ZFAT: variants seen among roughly 807,000 people sequenced by gnomAD.
ZFAT encodes zinc finger and AT-hook domain containing.
A neutral mutation model predicts 117.7 loss-of-function variants in ZFAT; 64 were observed. That is an observed-to-expected ratio of 0.54 (90% CI 0.44 to 0.67). The LOEUF (loss-of-function observed/expected upper bound fraction) is 0.67. Ranked by LOEUF, ZFAT falls within the 30% of genes least tolerant of loss-of-function variation. The pLI is 0.00. For missense variants in ZFAT, 1,433 were observed against 1,584.5 expected, an observed-to-expected ratio of 0.90 and a Z score of 1.62; for synonymous variants, 679 against 615.0, an observed-to-expected ratio of 1.10 and a Z score of -1.54.
chr8:134,650,704 G>A (rs191168170), intron 2 of ZFAT, among the ~76,000 whole-genome samples: 2 of 152,186 alleles, frequency 1.3e-5, no homozygotes, highest in African/African-American at 2.4e-5. Flanking sequence ...GACATTAGAA[G>A]AGACGTATTG....
At chr8:134,675,716 G>C (rs2131279685) in intron 1 of ZFAT, among the ~76,000 whole-genome samples, 1 of 152,248 alleles carries the variant, frequency 6.6e-6, no homozygotes, top group African/African-American at 2.4e-5. Flanking sequence ...AGCCACAAAG[G>C]GAAGCCCATC....
the ZFAT span, among the ~76,000 whole-genome samples, chr8:134,742,477 C>T: frequency 6.6e-6 from 1 of 152,148 alleles, no homozygotes; most frequent in Admixed American, 6.5e-5. Flanking sequence ...TCACAGTCCT[C>T]GGGGTTCAAT....
intron 3 of ZFAT, among the ~76,000 whole-genome samples, chr8:134,622,936 A>C (rs1829234102): frequency 6.6e-6 from 1 of 152,102 alleles, no homozygotes; most frequent in South Asian, 2.1e-4. Context: ...CCACAGGTAC[A>C]CCATGACTTG....
the ZFAT span, among the ~76,000 whole-genome samples, chr8:134,720,183 A>G: frequency 1.3e-5 from 2 of 152,254 alleles, no homozygotes; most frequent in East Asian, 1.9e-4. Flanking sequence ...TCCCCAGCCA[A>G]TGCAGCCACA....
chr8:134,628,676 A>G (rs1340497783), intron 3 of ZFAT, among the ~76,000 whole-genome samples: 2 of 152,214 alleles, frequency 1.3e-5, no homozygotes, highest in Admixed American at 6.5e-5. Flanking sequence ...TAACACCTAT[A>G]GCATATTAAT....
rs113068801 is a variant in ZFAT at position 134,580,806 on chromosome 8, C to G, written c.2887+3026G>C. Among the ~76,000 whole-genome samples the G allele has an allele frequency of 8.2e-3, 1,255 of 152,138 alleles. 5 individuals carry two copies. The highest frequency in any genetic ancestry group is 0.011 in the Non-Finnish European group (729 of 68,006). On this transcript the variant is annotated intron_variant, in intron 10 of 15. Transcript: ENST00000377838. ...ACAAAGATTCCAACCACATACCATACGCTAAAATAAATTGCAAGAATATTA... is the reference window on the plus strand; with the variant it reads ...ACAAAGATTCCAACCACATACCATAGGCTAAAATAAATTGCAAGAATATTA...
At chr8:134,609,035 G>C (rs1049317564) in intron 4 of ZFAT, among the ~76,000 whole-genome samples, 156 bp from the exon 5 acceptor site, 2 of 152,068 alleles carry the variant, frequency 1.3e-5, no homozygotes, top group African/African-American at 4.8e-5. Flanking sequence ...TACATTTTTT[G>C]GGTGAGTGTG....
chr8:134,716,645 T>C (rs966337983), upstream of ZFAT, among the ~76,000 whole-genome samples: 3 of 152,180 alleles, frequency 2.0e-5, no homozygotes, highest in Non-Finnish European at 4.4e-5. Flanking sequence ...GGGTTAGTGC[T>C]GAAAGGACAA....
the ZFAT span, among the ~76,000 whole-genome samples, chr8:134,721,228 C>T: frequency 2.0e-3 from 304 of 152,280 alleles, no homozygotes; most frequent in African/African-American, 6.9e-3. Flanking sequence ...CTACCCAGGA[C>T]GGGCCGCATG....
the ZFAT span, among the ~76,000 whole-genome samples, chr8:134,817,833 C>A: frequency 1.3e-5 from 2 of 152,070 alleles, no homozygotes; most frequent in African/African-American, 4.8e-5. Context: ...TCAACAAATA[C>A]CTCAATGGAA....
intron 1 of ZFAT, among the ~76,000 whole-genome samples, chr8:134,703,098 G>A (rs1458959545): frequency 6.6e-6 from 1 of 152,216 alleles, no homozygotes; most frequent in African/African-American, 2.4e-5. Context: ...CAAAGTAGCT[G>A]TACCATTTTG....
In ZFAT at chr8:134,594,610, C is replaced by T. The variant is rs1317734060; in HGVS notation, c.2476-4255G>A. Among the ~76,000 whole-genome samples the T allele has an allele frequency of 2.6e-5, 4 of 152,218 alleles. No individual in the cohort carries two copies. In the East Asian group the frequency reaches 7.7e-4, roughly 29 times the overall value. ...TACTATTCCTCTTCTTCATTCTCCT[C>T]CTCCTACTAAAAAGGAGGATTAGAA... is the stretch of plus-strand genomic sequence containing the variant. On this transcript the variant is annotated intron_variant, in intron 7 of 15. Transcript: ENST00000377838.
At chr8:134,541,275 GA>G (rs1480875851) in intron 11 of ZFAT, among the ~76,000 whole-genome samples, 8 of 152,194 alleles carry the variant, frequency 5.3e-5, no homozygotes, top group African/African-American at 1.7e-4. Flanking sequence ...CATATTCAAG[GA>G]TTGAAGGATT....
At chr8:134,708,403 C>T (rs1392688786) in intron 1 of ZFAT, among the ~76,000 whole-genome samples, 1 of 151,792 alleles carries the variant, frequency 6.6e-6, no homozygotes, top group African/African-American at 2.4e-5. Flanking sequence ...CCACATTATA[C>T]TCATAAATCA....
At position 134,590,482 on chromosome 8, in the gene ZFAT, TCAC is replaced by T. The variant is rs374660188; in HGVS notation, c.2476-130_2476-128del. The T allele has an allele frequency of 2.4e-3, 1,578 of 658,036 alleles. 4 individuals carry two copies. The highest frequency in any genetic ancestry group is 3.6e-3 in the Non-Finnish European group (1,364 of 374,944). The allele number at this position is 658,036 out of a possible 1,614,324, so 40.8% of individuals were successfully genotyped here. A position where few individuals can be genotyped will look rare whatever the true frequency, so the allele number is the denominator to read the frequency against. ...CTACCACTCACGCTATCAACAGTCATCACCACCACCACCATCACATCACCATCA... is the reference window on the plus strand; with the variant it reads ...CTACCACTCACGCTATCAACAGTCATCACCACCACCATCACATCACCATCA... On this transcript the variant is annotated intron_variant, in intron 7 of 15. Transcript: ENST00000377838.
the ZFAT span, among the ~76,000 whole-genome samples, chr8:134,825,624 C>A: frequency 6.6e-6 from 1 of 152,102 alleles, no homozygotes; most frequent in Non-Finnish European, 1.5e-5. Flanking sequence ...TTGACAATTA[C>A]TAAAAGGAAA....
intron 1 of ZFAT, among the ~76,000 whole-genome samples, chr8:134,706,760 G>A (rs527680648): frequency 1.3e-5 from 2 of 152,104 alleles, no homozygotes; most frequent in African/African-American, 2.4e-5. Flanking sequence ...ATAGTAAGGG[G>A]CAAGAGAAAA....
chr8:134,673,861 C>G (rs968577893), intron 1 of ZFAT, among the ~76,000 whole-genome samples: 2 of 152,170 alleles, frequency 1.3e-5, no homozygotes, highest in African/African-American at 4.8e-5. Context: ...GCCTATAATC[C>G]CAGCACTTTG....
intron 10 of ZFAT, among the ~76,000 whole-genome samples, chr8:134,581,594 G>C (rs796751739): frequency 9.2e-5 from 14 of 152,072 alleles, no homozygotes; most frequent in African/African-American, 3.1e-4. Context: ...TTTTTGGCAG[G>C]GGGGGTGTAG....
Sources: gnomAD v4.1 joint callset for allele counts (sites outside exome capture counted in the v4.1 genomes callset) on GRCh38, gnomAD v4.1.1 for gene constraint, MANE v1.5 for transcripts, NCBI Gene and HGNC (gene_info 2026-07-23, HGNC 2026-07-21) for gene names.